The following NCALD variants were observed in gnomAD, a reference collection of about 807,000 sequenced individuals.
The protein encoded by NCALD is neurocalcin delta, also known as neurocalcin-delta.
NCALD carries 10 observed loss-of-function variants against 18.6 expected under a neutral mutation model. That is an observed-to-expected ratio of 0.54 (90% CI 0.33 to 0.91). The LOEUF (loss-of-function observed/expected upper bound fraction) is 0.91. NCALD is among the 40% of genes least tolerant of loss of function. The pLI, the probability that NCALD is intolerant of heterozygous loss-of-function variation, is 0.03. For synonymous variants in NCALD, 88 were observed against 87.4 expected, an observed-to-expected ratio of 1.01 and a Z score of -0.04; for missense variants, 184 against 247.6, an observed-to-expected ratio of 0.74 and a Z score of 1.72.
At chr8:101,700,170 C>T (rs1352034711) in intron 2 of NCALD, among the ~76,000 whole-genome samples, 3 of 152,024 alleles carry the variant, frequency 2.0e-5, no homozygotes, top group African/African-American at 7.2e-5. Context: ...AGACAATCCT[C>T]CTGTCCCAGC....
chr8:101,951,119 T>C (rs1245195619), intron 2 of NCALD, among the ~76,000 whole-genome samples: 1 of 152,136 alleles, frequency 6.6e-6, no homozygotes, highest in Non-Finnish European at 1.5e-5. Flanking sequence ...TTGGTCTTGG[T>C]TTTGGGAATA....
chr8:101,955,795 G>A (rs892401050), intron 2 of NCALD, among the ~76,000 whole-genome samples: 2 of 152,056 alleles, frequency 1.3e-5, no homozygotes, highest in Non-Finnish European at 2.9e-5. Context: ...TGAGACAATT[G>A]ACAAAATTTA....
At chr8:102,012,228 G>A (rs1308971147) in intron 2 of NCALD, among the ~76,000 whole-genome samples, 2 of 152,160 alleles carry the variant, frequency 1.3e-5, no homozygotes, top group Non-Finnish European at 2.9e-5. Flanking sequence ...AGCTTGGCAG[G>A]AACAAGCCCG....
intron 1 of NCALD, among the ~76,000 whole-genome samples, chr8:102,032,817 C>T (rs1822726620): frequency 6.6e-6 from 1 of 152,074 alleles, no homozygotes; most frequent in African/African-American, 2.4e-5. Context: ...TTCCCAGCCA[C>T]CCTAGTAACT....
At chr8:102,119,170 C>T (rs1825874584) in intron 1 of NCALD, among the ~76,000 whole-genome samples, 1 of 152,142 alleles carries the variant, frequency 6.6e-6, no homozygotes. Flanking sequence ...GGAAGCAACC[C>T]AAACGTCCAT....
At chr8:101,903,682 T>C (rs61383411) in intron 3 of NCALD, among the ~76,000 whole-genome samples, 10,290 of 152,192 alleles carry the variant, frequency 0.068, 727 homozygotes, top group African/African-American at 0.18. Flanking sequence ...GCTTCCTCAG[T>C]TCTACAAATG....
chr8:101,955,314 T>C (rs1819582717), intron 2 of NCALD, among the ~76,000 whole-genome samples: 1 of 152,168 alleles, frequency 6.6e-6, no homozygotes, highest in Non-Finnish European at 1.5e-5. Flanking sequence ...CTAACTATTC[T>C]CTTTCGTAGA....
intron 1 of NCALD, among the ~76,000 whole-genome samples, chr8:102,028,030 A>G (rs982289851): frequency 1.3e-5 from 2 of 152,210 alleles, no homozygotes; most frequent in African/African-American, 4.8e-5. Flanking sequence ...ATCCCAAACA[A>G]GTTTGAGGAA....
intron 1 of NCALD, among the ~76,000 whole-genome samples, chr8:102,074,531 C>A (rs1824279931): frequency 6.6e-6 from 1 of 152,160 alleles, no homozygotes; most frequent in Non-Finnish European, 1.5e-5. Context: ...TGGCCATATT[C>A]TCTTCAAGAT....
intron 2 of NCALD, among the ~76,000 whole-genome samples, chr8:101,933,679 A>C (rs1681952367): frequency 6.6e-6 from 1 of 152,146 alleles, no homozygotes; most frequent in Non-Finnish European, 1.5e-5. Flanking sequence ...CATTATATTC[A>C]AATGAGGGAT....
chr8:101,905,656 T>C (rs1166496699), intron 3 of NCALD, among the ~76,000 whole-genome samples: 1 of 152,204 alleles, frequency 6.6e-6, no homozygotes, highest in Non-Finnish European at 1.5e-5. Context: ...CTAATTAAAG[T>C]GCAGATGTGG....
chr8:102,107,192 G>GTACATA (rs1461540256), intron 1 of NCALD, among the ~76,000 whole-genome samples: 1 of 76,812 alleles, frequency 1.3e-5, no homozygotes, highest in Non-Finnish European at 2.5e-5. Context: ...ATATATGTGT[G>GTACATA]TACATATATA....
intron 2 of NCALD, among the ~76,000 whole-genome samples, chr8:101,934,929 G>A (rs1181705672): frequency 1.3e-5 from 2 of 152,226 alleles, no homozygotes; most frequent in East Asian, 1.9e-4. Flanking sequence ...ACTAAAATAA[G>A]TGAAAATATC....
chr8:101,724,164 G>C (rs1343601907), intron 1 of NCALD, among the ~76,000 whole-genome samples: 1 of 152,168 alleles, frequency 6.6e-6, no homozygotes, highest in East Asian at 1.9e-4. Context: ...TGACCATAAA[G>C]TGGATAATGC....
intron 3 of NCALD, among the ~76,000 whole-genome samples, chr8:101,893,190 G>A (rs1166159154): frequency 6.6e-6 from 1 of 151,960 alleles, no homozygotes; most frequent in African/African-American, 2.4e-5. Flanking sequence ...CAAGCCAGAA[G>A]AGAGTGGGGG....
At chr8:102,113,960 T>A (rs11779982) in intron 1 of NCALD, among the ~76,000 whole-genome samples, 42,458 of 152,144 alleles carry the variant, frequency 0.28, 6,551 homozygotes, top group African/African-American at 0.39. Flanking sequence ...TTAGTTCAGA[T>A]CAGAGAAGAG....
At chr8:101,880,447 G>A (rs987940606) in intron 4 of NCALD, among the ~76,000 whole-genome samples, 1 of 152,192 alleles carries the variant, frequency 6.6e-6, no homozygotes, top group African/African-American at 2.4e-5. Context: ...GCCCGGAGAG[G>A]GGCCCCCACA....
At chr8:101,712,069 C>G (rs891188433) in intron 2 of NCALD, among the ~76,000 whole-genome samples, 2 of 152,220 alleles carry the variant, frequency 1.3e-5, no homozygotes, top group Admixed American at 6.5e-5. Flanking sequence ...AACAGTGGCT[C>G]TCTCTGCAGA....
At chr8:102,007,098 C>T (rs562184431) in intron 2 of NCALD, among the ~76,000 whole-genome samples, 20 of 152,146 alleles carry the variant, frequency 1.3e-4, no homozygotes, top group Non-Finnish European at 2.6e-4. Context: ...TCCAAGGAGA[C>T]TAAGGAGATA....
Sources: gnomAD v4.1 joint callset for allele counts (sites outside exome capture counted in the v4.1 genomes callset) on GRCh38, gnomAD v4.1.1 for gene constraint, MANE v1.5 for transcripts, NCBI Gene and HGNC (gene_info 2026-07-23, HGNC 2026-07-21) for gene names.